ANKFY1: variants seen among roughly 807,000 people sequenced by gnomAD.
ANKFY1 encodes ankyrin repeat and FYVE domain containing 1.
In ANKFY1, 47 loss-of-function variants were observed where a neutral mutation model predicts 128.3. The ratio of observed to expected loss-of-function variants is 0.37; its 90% confidence interval spans 0.29 to 0.47. ANKFY1 has a LOEUF of 0.47. Among genes scored for constraint, ANKFY1 ranks in the 20% least tolerant of loss-of-function variants. ANKFY1 has a pLI of 1.00. For missense variants in ANKFY1, 1,222 were observed against 1,510.6 expected, an observed-to-expected ratio of 0.81 and a Z score of 3.17; for synonymous variants, 553 against 601.6, an observed-to-expected ratio of 0.92 and a Z score of 1.18.
rs189564576 is a variant in ANKFY1, at chr17:4,167,788, C to A, written c.3501G>T (p.Gly1167=). 5.6e-5 allele frequency: 91 copies of A among 1,613,082 alleles called. No individual in the cohort carries two copies. The East Asian group carries it at 2.0e-3, about 35-fold the overall frequency. ...CCCTCCGGGGGGCTCACTAAGAAAC[C>A]CCACCCAGAGTCAGTACATCAAAAC... ...NICFDVLTLG[G]VS The change falls in exon 25 of 25, where the codon GGG becomes GGT. Residue 1167 remains glycine (G), a synonymous_variant. Transcript: ENST00000341657. The surrounding 1 kb of genome is among the most constrained non-coding windows in gnomAD (Gnocchi z 4.1).
intron 3 of ANKFY1, among the ~76,000 whole-genome samples, chr17:4,220,405 T>C (rs1054446743): frequency 3.3e-5 from 5 of 152,186 alleles, no homozygotes; most frequent in South Asian, 2.1e-4. Context: ...TGGCCTGATC[T>C]TGAAGACAGC....
At chr17:4,196,571 T>C (rs377764525) in intron 8 of ANKFY1, among the ~76,000 whole-genome samples, 25 of 152,100 alleles carry the variant, frequency 1.6e-4, no homozygotes, top group African/African-American at 5.8e-4. Context: ...AGGGGCAAAA[T>C]GAACACAATA....
chr17:4,189,412 G>C lies in ANKFY1; in HGVS notation c.1440C>G (p.Asn480Lys). The C allele has an allele frequency of 6.3e-7, 1 of 1,590,912 alleles. No individual in the cohort carries two copies. Among genetic ancestry groups the C allele is most frequent in the Non-Finnish European group, 8.6e-7 (1 of 1,165,882 alleles). The change falls in exon 11 of 25, where the codon AAC becomes AAG. Residue 480 changes from asparagine (N) to lysine (K), a missense_variant. By Grantham distance (94) the Asn-to-Lys change is moderately conservative. Transcript: ENST00000341657. Reference protein sequence around the residue: ...NEAAALFLATNGAHVNHRNKW... With the variant: ...NEAAALFLATKGAHVNHRNKW... ...TGTTTCTGTGGTTGACATGGGCACC[G>C]TTGGTTGCCAGGAAAAGAGCTGCTG...
chr17:4,263,782 G>A (rs1261746048), intron 1 of ANKFY1, 150 bp downstream of exon 1: 12 of 1,583,126 alleles, frequency 7.6e-6, no homozygotes, highest in Non-Finnish European at 9.4e-6. Flanking sequence ...GGCCCGAGAA[G>A]CTCCGGAGAG....
chr17:4,188,605 C>T (rs1029853443), intron 11 of ANKFY1: 1 of 152,148 alleles, frequency 6.6e-6, no homozygotes. Context: ...AGAAAGTGAC[C>T]GTAAAATAAA....
Position 4,209,902 on chromosome 17 carries a change from A to T in ANKFY1, c.504T>A (p.Ile168=). Residue 168 remains isoleucine, a synonymous_variant, in exon 5 of 25, where the codon ATT becomes ATA. Coordinates refer to ENST00000341657, the MANE Select transcript of ANKFY1 (RefSeq NM_001330063.2). ...VMSLVNVRNC[I]RFYQTAEELN... ...GCTCCTCTGCCGTCTGGTAGAAGCG[A>T]ATACAGTTCCTGACATTCACTAGAG... is the stretch of plus-strand genomic sequence containing the variant. 2 of 1,613,984 alleles carry T rather than the reference A, an allele frequency of 1.2e-6. No individual in the cohort carries two copies. Among genetic ancestry groups the T allele is most frequent in the Non-Finnish European group, 1.7e-6 (2 of 1,179,852 alleles).
intron 16 of ANKFY1, 173 bp from the exon 17 acceptor site, chr17:4,180,050 G>T (rs1289367083): frequency 1.4e-5 from 11 of 784,000 alleles, no homozygotes; most frequent in Non-Finnish European, 1.0e-5. Context: ...CACTCCCATA[G>T]ATTCTTCTGT....
At chr17:4,213,546 C>T (rs2060171479) in intron 4 of ANKFY1, among the ~76,000 whole-genome samples, 1 of 149,566 alleles carries the variant, frequency 6.7e-6, no homozygotes. Flanking sequence ...AAGTTACATA[C>T]AACAGCATTA....
At chr17:4,196,307 A>G (rs963008053) in intron 8 of ANKFY1, among the ~76,000 whole-genome samples, 4 of 152,076 alleles carry the variant, frequency 2.6e-5, no homozygotes, top group Admixed American at 6.5e-5. Context: ...TCATGAAGCT[A>G]CATCTTATTT....
chr17:4,259,664 G>A (rs2143579014), intron 1 of ANKFY1, among the ~76,000 whole-genome samples: 1 of 152,350 alleles, frequency 6.6e-6, no homozygotes, highest in South Asian at 2.1e-4. Context: ...CTTAGGTTAT[G>A]CAGAGTATAA....
chr17:4,238,323 G>A (rs763720469), intron 2 of ANKFY1, among the ~76,000 whole-genome samples: 6 of 151,838 alleles, frequency 4.0e-5, no homozygotes, highest in African/African-American at 1.2e-4. Flanking sequence ...TTTCCCCTAC[G>A]TTGGTAAAAG....
chr17:4,189,561 A>C, intron 10 of ANKFY1, 82 bp from the exon 11 acceptor site: 1 of 1,256,978 alleles, frequency 8.0e-7, no homozygotes, highest in Non-Finnish European at 1.1e-6. Flanking sequence ...CTTCCCTGCC[A>C]CCCTATGACT....
intron 1 of ANKFY1, among the ~76,000 whole-genome samples, chr17:4,246,536 C>T (rs1040270676): frequency 6.6e-6 from 1 of 152,192 alleles, no homozygotes; most frequent in Non-Finnish European, 1.5e-5. Flanking sequence ...CTTGCTAGTT[C>T]AACCTGGTGG....
chr17:4,251,358 G>A (rs1469852908), intron 1 of ANKFY1, among the ~76,000 whole-genome samples: 3 of 152,092 alleles, frequency 2.0e-5, no homozygotes, highest in African/African-American at 7.2e-5. Context: ...AGGATCACTT[G>A]AGCTCAGGAG....
intron 3 of ANKFY1, among the ~76,000 whole-genome samples, chr17:4,229,677 G>A (rs1285462487): frequency 6.6e-6 from 1 of 152,150 alleles, no homozygotes; most frequent in Admixed American, 6.5e-5. Flanking sequence ...GAATATAACC[G>A]CAGATAAAAT....
At chr17:4,241,162 A>G (rs1269416676) in intron 2 of ANKFY1, among the ~76,000 whole-genome samples, 1 of 152,180 alleles carries the variant, frequency 6.6e-6, no homozygotes, top group African/African-American at 2.4e-5. Context: ...CAACAGCCCA[A>G]AGGTAAGTAG....
chr17:4,174,234 C>T (rs1451077363), intron 19 of ANKFY1, among the ~76,000 whole-genome samples, 178 bp from the exon 20 acceptor site: 2 of 152,182 alleles, frequency 1.3e-5, no homozygotes, highest in African/African-American at 2.4e-5. Context: ...CAGCAAAACC[C>T]GTGCCAAGGG....
chr17:4,180,654 G>A (rs2059495031), intron 16 of ANKFY1, among the ~76,000 whole-genome samples: 2 of 145,842 alleles, frequency 1.4e-5, no homozygotes, highest in South Asian at 2.2e-4. Context: ...GTAGTCCCAG[G>A]GCTGAGGCAG....
chr17:4,236,566 G>A (rs1966918616), intron 2 of ANKFY1, among the ~76,000 whole-genome samples: 1 of 151,982 alleles, frequency 6.6e-6, no homozygotes, highest in South Asian at 2.1e-4. Context: ...GTTTAACTCT[G>A]AAATGTCAAA....
Sources: gnomAD v4.1 joint callset for allele counts (sites outside exome capture counted in the v4.1 genomes callset) on GRCh38, gnomAD v4.1.1 for gene constraint, Gnocchi (gnomAD v3.1) non-coding constraint, MANE v1.5 for transcripts, NCBI Gene and HGNC (gene_info 2026-07-23, HGNC 2026-07-21) for gene names.